The following GGT1 variants were observed in gnomAD, a reference collection of about 807,000 sequenced individuals.
GGT1 encodes gamma-glutamyltransferase 1, also known as glutathione hydrolase 1 proenzyme.
Under a neutral mutation model 56.0 loss-of-function variants are expected in GGT1, and 21 were observed. The observed-to-expected ratio is 0.38, with a 90% CI of 0.27 to 0.54. GGT1 has a LOEUF of 0.54. GGT1 is among the 20% of genes least tolerant of loss of function. The probability of loss-of-function intolerance (pLI) is 0.82; values close to 1 mark genes in which losing one functional copy is unlikely to be tolerated. For synonymous variants in GGT1, 238 were observed against 342.6 expected (o/e 0.69, Z 3.37); for missense variants, 466 against 787.0 (o/e 0.59, Z 4.88).
intron 5 of GGT1, among the ~76,000 whole-genome samples, chr22:24,612,831 T>C (rs2046806696): frequency 1.3e-5 from 2 of 151,840 alleles, no homozygotes; most frequent in African/African-American, 4.8e-5. Flanking sequence ...CCGGCCGGGC[T>C]TATTCTTTTT....
chr22:24,606,509 G>A (rs556038809), intron 1 of GGT1, among the ~76,000 whole-genome samples: 2 of 152,324 alleles, frequency 1.3e-5, no homozygotes, highest in East Asian at 3.9e-4. Flanking sequence ...ACTTAGCAGG[G>A]CCAAATCCCC....
In GGT1 at chr22:24,605,772, A is replaced by AATGTGTATTATATATTATATAATATATG. The variant is rs1569049284; in HGVS notation, c.-428-2160_-428-2133dup. 1.3e-4 allele frequency among the ~76,000 whole-genome samples: 7 copies of AATGTGTATTATATATTATATAATATATG among 51,864 alleles called. 1 individual carries two copies. The highest frequency in any genetic ancestry group is 3.5e-4 in the African/African-American group (2 of 5,734). 34.0% of individuals were successfully genotyped at this position (51,864 alleles called of 152,430 possible). A position where few individuals can be genotyped will look rare whatever the true frequency, so the allele number is the denominator to read the frequency against. ...TATTATATATTATATAATATTATAT[A>AATGTGTATTATATATTATATAATATATG]ATGTGTATTATATATTATATAATAT... On this transcript the variant is annotated intron_variant, in intron 1 of 15. Transcript: ENST00000400382.
chr22:24,612,523 GTT>G (rs1357650838), intron 5 of GGT1, among the ~76,000 whole-genome samples: 19 of 135,158 alleles, frequency 1.4e-4, no homozygotes, highest in African/African-American at 4.9e-4. Context: ...TTTTGTTGTT[GTT>G]TTGTTTTGTT....
rs149356610 is a variant in GGT1, at chr22:24,615,200, G to A, written c.382+73G>A. On this transcript the variant is annotated intron_variant, in intron 7 of 15. Transcript: ENST00000400382. ...CACCGGGAAGGGGCCTTGCCCACAG[G>A]AGCCTGCTCCCGTCAGGGTTCAGGG... 4.0e-4 allele frequency: 431 copies of A among 1,089,134 alleles called. 6 individuals carry two copies. In the East Asian group the frequency reaches 7.7e-3, roughly 20 times the overall value. The allele number at this position is 1,089,134 out of a possible 1,614,324, so 67.5% of individuals were successfully genotyped here.
At chr22:24,587,070 G>A in the GGT1 span, among the ~76,000 whole-genome samples, 8 of 152,150 alleles carry the variant, frequency 5.3e-5, no homozygotes, top group Non-Finnish European at 8.8e-5. Flanking sequence ...ACCACTAAGC[G>A]GGGAACCAGG....
intron 7 of GGT1, among the ~76,000 whole-genome samples, chr22:24,616,853 A>AT (rs201319475): frequency 0.021 from 3,142 of 150,870 alleles, 113 homozygotes; most frequent in African/African-American, 0.071. Context: ...TCAATCTTTC[A>AT]TTTTTTTTTA....
At chr22:24,614,628 A>AAAG (rs1555900124) in intron 5 of GGT1, 148 bp from the exon 6 acceptor site, 10 of 719,708 alleles carry the variant, frequency 1.4e-5, no homozygotes, top group African/African-American at 7.3e-5. Context: ...AAAAAAAAAA[A>AAAG]AAAGAAAGAA....
Position 24,596,742 on chromosome 22 carries a change from C to CAAA in GGT1, c.-324+1875_-324+1877dup, listed in dbSNP as rs57547019. Among the ~76,000 whole-genome samples the CAAA allele has an allele frequency of 8.8e-3, 956 of 108,282 alleles. 11 individuals carry two copies. The highest frequency in any genetic ancestry group is 0.022 in the African/African-American group (628 of 27,974). 71.0% of individuals were successfully genotyped at this position (108,282 alleles called of 152,430 possible). A position where few individuals can be genotyped will look rare whatever the true frequency, so the allele number is the denominator to read the frequency against. ...GTGAAACCCTGTCTCTACTAAAATA[C>CAAA]AAAAAAAAAAAAAAAAAAAAATTAG... On this transcript the variant is annotated intron_variant, in intron 1 of 6. Transcript: ENST00000411974.
chr22:24,599,085 T>C (rs1601612089), upstream of GGT1: 2 of 152,010 alleles, frequency 1.3e-5, no homozygotes. Flanking sequence ...GTGGATTCAG[T>C]GTAAAGTCCT....
upstream of GGT1, chr22:24,593,203 T>G: frequency 1.4e-6 from 1 of 696,262 alleles, no homozygotes; most frequent in Non-Finnish European, 1.8e-6. Context: ...GGCCAGTGGG[T>G]TCCTCGGTTT....
At chr22:24,592,137 G>A, upstream of GGT1, 1 of 381,430 alleles carries the variant, frequency 2.6e-6, no homozygotes, top group Non-Finnish European at 5.3e-6. Flanking sequence ...ACGGGGTGGT[G>A]AGGGAAGTGG....
At chr22:24,588,586 A>C in the GGT1 span, 1 of 919,438 alleles carries the variant, frequency 1.1e-6, no homozygotes, top group East Asian at 3.7e-5. Context: ...AGCCCAGACA[A>C]TGAGCCCTTG....
upstream of GGT1, among the ~76,000 whole-genome samples, chr22:24,600,214 C>G (rs2045760710): frequency 6.6e-6 from 1 of 152,206 alleles, no homozygotes; most frequent in South Asian, 2.1e-4. Flanking sequence ...CCTAGCCAGA[C>G]CCTGTGAGGC....
chr22:24,625,615 C>T (rs2047703181), intron 11 of GGT1, among the ~76,000 whole-genome samples: 1 of 151,818 alleles, frequency 6.6e-6, no homozygotes, highest in Non-Finnish European at 1.5e-5. Flanking sequence ...TATCTCGGCT[C>T]ACTGTAAGCT....
rs558445525 is a variant in GGT1 at position 24,614,866 on chromosome 22, C to T, written c.255C>T (p.Ile85=). The change falls in exon 6 of 16, where the codon ATC becomes ATT. Residue 85 remains isoleucine, a synonymous_variant. Coordinates refer to ENST00000400382, the MANE Select transcript of GGT1 (RefSeq NM_001288833.2). ...TCATGAATGCCCACAGCATGGGCATCGGGGGTGGCCTCTTCCTCACCATCT... is the reference window on the plus strand; with the variant it reads ...TCATGAATGCCCACAGCATGGGCATTGGGGGTGGCCTCTTCCTCACCATCT... ...VGLMNAHSMG[I]GGGLFLTIYN... 52 of 1,612,540 alleles carry T rather than the reference C, an allele frequency of 3.2e-5. No homozygotes were observed. The highest frequency in any genetic ancestry group is 1.3e-4 in the East Asian group (6 of 44,872).
chr22:24,594,384 C>CGTGT (rs762877347), upstream of GGT1, among the ~76,000 whole-genome samples: 6,905 of 140,126 alleles, frequency 0.049, 253 homozygotes, highest in African/African-American at 0.089. Context: ...GCCAAGCACC[C>CGTGT]GTGTGTATGT....
In GGT1 at chr22:24,604,795, C is replaced by A. The variant is rs1386296816; in HGVS notation, c.-429+1268C>A. 5.3e-5 allele frequency among the ~76,000 whole-genome samples: 8 copies of A among 150,774 alleles called. No individual in the cohort carries two copies. The East Asian group carries it at 1.6e-3, about 30-fold the overall frequency. On this transcript the variant is annotated intron_variant, in intron 1 of 15. Transcript: ENST00000400382. ...GGAAAAGCCTCCTTCATTCTGTAGGCCCTACCTCTATTAACATGTCCTTTG... is the reference window on the plus strand; with the variant it reads ...GGAAAAGCCTCCTTCATTCTGTAGGACCTACCTCTATTAACATGTCCTTTG...
rs1430454455 is a variant in GGT1 at position 24,605,157 on chromosome 22, T to C, written c.-429+1630T>C. On this transcript the variant is annotated intron_variant, in intron 1 of 15. Transcript: ENST00000400382. ...ATTATATAATATATAATATGTATTA[T>C]ATTATATATTATATAATATGTAATA... Among the ~76,000 whole-genome samples, 2 of 20,910 alleles carry C rather than the reference T, an allele frequency of 9.6e-5. 1 individual carries two copies. The highest frequency in any genetic ancestry group is 1.8e-4 in the Non-Finnish European group (2 of 11,374). 13.7% of individuals were successfully genotyped at this position (20,910 alleles called of 152,430 possible).
chr22:24,592,445 C>T (rs536999405), upstream of GGT1: 39 of 469,944 alleles, frequency 8.3e-5, no homozygotes, highest in Non-Finnish European at 1.5e-4. Context: ...GGAAGTTACC[C>T]TCTTCCATTG....
Sources: allele counts gnomAD v4.1 joint callset (sites outside exome capture counted in the v4.1 genomes callset), GRCh38; gene constraint gnomAD v4.1.1; transcripts MANE v1.5; gene names NCBI Gene and HGNC (gene_info 2026-07-23, HGNC 2026-07-21).